The following CRKL variants were observed in gnomAD, a reference collection of about 807,000 sequenced individuals.
The protein encoded by CRKL is crk-like protein.
CRKL carries 3 observed loss-of-function variants against 23.0 expected under a neutral mutation model. The observed-to-expected ratio is 0.13, with a 90% CI of 0.06 to 0.34. CRKL has a LOEUF of 0.34. Ranked by LOEUF, CRKL falls within the 10% of genes least tolerant of loss-of-function variation. CRKL has a pLI of 1.00. For missense variants in CRKL, 256 were observed against 394.5 expected (o/e 0.65, Z 2.97); for synonymous variants, 188 against 160.7 (o/e 1.17, Z -1.28).
intron 1 of CRKL, among the ~76,000 whole-genome samples, chr22:20,933,389 G>A (rs1237157059): frequency 1.3e-5 from 2 of 151,022 alleles, no homozygotes; most frequent in Non-Finnish European, 2.9e-5. Context: ...TGTAGAGGCC[G>A]GGCATGGTGG....
chr22:20,935,514 T>C (rs1033693276), intron 2 of CRKL, among the ~76,000 whole-genome samples: 2 of 80,014 alleles, frequency 2.5e-5, no homozygotes, highest in African/African-American at 1.0e-4. Context: ...ACCAAGTCAT[T>C]TTCTTTTCTT....
At chr22:20,933,439 C>T (rs1004685966) in intron 1 of CRKL, among the ~76,000 whole-genome samples, 1 of 151,672 alleles carries the variant, frequency 6.6e-6, no homozygotes, top group African/African-American at 2.4e-5. Flanking sequence ...GGCCGAGGTG[C>T]GTGGATCGCC....
intron 2 of CRKL, among the ~76,000 whole-genome samples, chr22:20,948,417 A>G (rs1922148868): frequency 6.6e-6 from 1 of 151,928 alleles, no homozygotes; most frequent in African/African-American, 2.4e-5. Context: ...TCGTGCATCC[A>G]AAGGGTATGA....
chr22:20,929,019 A>T (rs1230741583), intron 1 of CRKL, among the ~76,000 whole-genome samples: 2 of 152,164 alleles, frequency 1.3e-5, no homozygotes, highest in Non-Finnish European at 2.9e-5. Flanking sequence ...GAGATTCGTT[A>T]TCATCAGAAA....
At position 20,952,299 on chromosome 22, in the gene CRKL, G is replaced by A. The variant is rs1275864192; in HGVS notation, c.*2454G>A. 2 of 229,732 alleles carry A rather than the reference G, an allele frequency of 8.7e-6. No individual in the cohort carries two copies. The highest frequency in any genetic ancestry group is 4.4e-5 in the African/African-American group (2 of 45,122). 14.2% of individuals were successfully genotyped at this position (229,732 alleles called of 1,614,324 possible). A position where few individuals can be genotyped will look rare whatever the true frequency, so the allele number is the denominator to read the frequency against. On this transcript the variant is annotated 3_prime_UTR_variant, in exon 3 of 3. Coordinates refer to ENST00000354336, the MANE Select transcript of CRKL (RefSeq NM_005207.4). ...ACTGACCAATACCCCGACTCACCTT[G>A]TGTGGCGCACTTCAGAATCAGATAT... is the stretch of plus-strand genomic sequence containing the variant.
intron 1 of CRKL, among the ~76,000 whole-genome samples, chr22:20,929,228 G>A (rs532763800): frequency 6.6e-4 from 101 of 152,126 alleles, no homozygotes; most frequent in Middle Eastern, 3.4e-3. Flanking sequence ...GCAGTGGCGC[G>A]ATCTCGGCTC....
chr22:20,918,287 C>G (rs2147892213), intron 1 of CRKL, 42 bp downstream of exon 1: 1 of 1,596,992 alleles, frequency 6.3e-7, no homozygotes, highest in Non-Finnish European at 8.5e-7. Context: ...AGGTCGAGAA[C>G]CGGGTCTGTC....
intron 1 of CRKL, among the ~76,000 whole-genome samples, chr22:20,926,067 C>T (rs953286029): frequency 3.2e-4 from 48 of 152,276 alleles, no homozygotes; most frequent in African/African-American, 1.1e-3. Flanking sequence ...TGCTCTTCAA[C>T]TGATTCTTTA....
chr22:20,934,529 C>G (rs1921580293), intron 2 of CRKL, among the ~76,000 whole-genome samples: 1 of 152,162 alleles, frequency 6.6e-6, no homozygotes, highest in South Asian at 2.1e-4. Flanking sequence ...AGCCACCATG[C>G]CTGGCCCATT....
chr22:20,940,126 A>G (rs5761433), intron 2 of CRKL, among the ~76,000 whole-genome samples: 12,870 of 152,170 alleles, frequency 0.085, 588 homozygotes, highest in African/African-American at 0.12. Context: ...GTCATCTAGC[A>G]TATTCATTAC....
rs1187984983 is a variant in CRKL, at chr22:20,941,538, A to ATGTGTGTGTG, written c.777+7326_777+7335dup. Among the ~76,000 whole-genome samples, 191 of 50,422 alleles carry ATGTGTGTGTG rather than the reference A, an allele frequency of 3.8e-3. 27 individuals carry two copies. The highest frequency in any genetic ancestry group is 5.8e-3 in the Admixed American group (19 of 3,262). The allele number at this position is 50,422 out of a possible 152,430, so 33.1% of individuals were successfully genotyped here. A position where few individuals can be genotyped will look rare whatever the true frequency, so the allele number is the denominator to read the frequency against. ...GTATGTGTATATATATATATATTTTATGTGTGTGTGTGTGTGTGTGTGTGT... is the reference window on the plus strand; with the variant it reads ...GTATGTGTATATATATATATATTTTATGTGTGTGTGTGTGTGTGTGTGTGTGTGTGTGTGT... On this transcript the variant is annotated intron_variant, in intron 2 of 2. Transcript: ENST00000354336.
intron 2 of CRKL, among the ~76,000 whole-genome samples, chr22:20,943,829 T>TAA (rs57136466): frequency 0.014 from 2,103 of 151,044 alleles, 48 homozygotes; most frequent in African/African-American, 0.048. Context: ...TCCCACGTGT[T>TAA]AAAAAAAAAT....
chr22:20,919,500 G>T (rs1182927473), intron 1 of CRKL, among the ~76,000 whole-genome samples: 1 of 152,132 alleles, frequency 6.6e-6, no homozygotes, highest in Non-Finnish European at 1.5e-5. Flanking sequence ...AGTGAAATAC[G>T]TTATTTTAAT....
At chr22:20,939,474 C>A (rs112518264) in intron 2 of CRKL, among the ~76,000 whole-genome samples, 1,937 of 152,092 alleles carry the variant, frequency 0.013, 40 homozygotes, top group African/African-American at 0.044. Flanking sequence ...TCTCCATCTC[C>A]TGACCTCGTG....
chr22:20,939,232 G>GC (rs1921771722), intron 2 of CRKL, among the ~76,000 whole-genome samples: 1 of 117,836 alleles, frequency 8.5e-6, no homozygotes, highest in Non-Finnish European at 1.7e-5. Flanking sequence ...AACATAAGTT[G>GC]CTTTTTTTTT....
At chr22:20,939,147 C>T (rs1921768442) in intron 2 of CRKL, among the ~76,000 whole-genome samples, 1 of 151,562 alleles carries the variant, frequency 6.6e-6, no homozygotes, top group Non-Finnish European at 1.5e-5. Context: ...TATTGAGTGC[C>T]TATTATGTGA....
Position 20,917,820 on chromosome 22 carries a change from T to A in CRKL, c.-115T>A. The A allele has an allele frequency of 9.7e-7, 1 of 1,027,348 alleles. No individual in the cohort carries two copies. Among genetic ancestry groups the A allele is most frequent in the Non-Finnish European group, 1.4e-6 (1 of 716,462 alleles). The allele number at this position is 1,027,348 out of a possible 1,614,324, so 63.6% of individuals were successfully genotyped here. A position where few individuals can be genotyped will look rare whatever the true frequency, so the allele number is the denominator to read the frequency against. ...GCTGGCCCAGCCCTCTGAGCGCTCC[T>A]CGAGGTGTGCGAGAGGCCCTTCCTC... On this transcript the variant is annotated 5_prime_UTR_variant, in exon 1 of 3. Transcript: ENST00000354336.
intron 1 of CRKL, among the ~76,000 whole-genome samples, chr22:20,918,949 A>ACCCCCCCCCCCCCC (rs1555917807): frequency 1.8e-5 from 2 of 111,542 alleles, no homozygotes; most frequent in Admixed American, 9.2e-5. Context: ...AGCACTCACC[A>ACCCCCCCCCCCCCC]CCCCACCCCC....
rs937120875 is a variant in CRKL, at chr22:20,950,282, G to T, written c.*437G>T. On this transcript the variant is annotated 3_prime_UTR_variant, in exon 3 of 3. Coordinates refer to ENST00000354336, the MANE Select transcript of CRKL (RefSeq NM_005207.4). ...TGCTTTTCTTTGGACAACAGGAAGT[G>T]AACCTTAAGGAAGAGAGAATTCTGT... 1.3e-4 allele frequency: 30 copies of T among 235,486 alleles called. No individual in the cohort carries two copies. In the Admixed American group the frequency reaches 1.6e-3, roughly 13 times the overall value. The allele number at this position is 235,486 out of a possible 1,614,324, so 14.6% of individuals were successfully genotyped here.
Sources: allele counts gnomAD v4.1 joint callset (sites outside exome capture counted in the v4.1 genomes callset), GRCh38; gene constraint gnomAD v4.1.1; transcripts MANE v1.5; gene names NCBI Gene and HGNC (gene_info 2026-07-23, HGNC 2026-07-21).